The following LEKR1 variants were observed in gnomAD, a reference collection of about 807,000 sequenced individuals.
LEKR1 encodes the protein leucine, glutamate and lysine rich 1.
A neutral mutation model predicts 72.4 loss-of-function variants in LEKR1; 59 were observed. That is an observed-to-expected ratio of 0.82 (90% CI 0.66 to 1.01). The LOEUF is 1.01. Among genes scored for constraint, LEKR1 ranks in the 50% least tolerant of loss-of-function variants. The probability of loss-of-function intolerance (pLI) is 0.00; values close to 1 mark genes in which losing one functional copy is unlikely to be tolerated. For missense variants in LEKR1, 728 were observed against 759.2 expected (o/e 0.96, Z 0.48); for synonymous variants, 257 against 263.2 (o/e 0.98, Z 0.23).
chr3:156,852,637 T>C (rs1385003676), intron 2 of LEKR1, 131 bp from the exon 3 acceptor site: 1 of 444,710 alleles, frequency 2.2e-6, no homozygotes, highest in Non-Finnish European at 4.0e-6. Flanking sequence ...GTTAGCAATG[T>C]CGTAATTATT....
At chr3:156,914,334 C>T (rs1723394201) in intron 3 of LEKR1, among the ~76,000 whole-genome samples, 1 of 152,072 alleles carries the variant, frequency 6.6e-6, no homozygotes, top group African/African-American at 2.4e-5. Context: ...CCTCAACAGG[C>T]CCTGGTGTGT....
At chr3:156,847,220 T>C (rs942097773) in intron 2 of LEKR1, among the ~76,000 whole-genome samples, 2 of 152,226 alleles carry the variant, frequency 1.3e-5, no homozygotes, top group African/African-American at 2.4e-5. Context: ...GAAGCCTAAT[T>C]TAACCTTTTT....
intron 10 of LEKR1, among the ~76,000 whole-genome samples, chr3:157,024,231 C>T (rs1045563796): frequency 6.6e-6 from 1 of 152,206 alleles, no homozygotes; most frequent in Non-Finnish European, 1.5e-5. Context: ...TGGGGACCAT[C>T]TGTACGGACA....
rs769541957 is a variant in LEKR1, at chr3:156,833,012, G to A, written c.48+3635G>A. Among the ~76,000 whole-genome samples, 49 of 152,140 alleles carry A rather than the reference G, an allele frequency of 3.2e-4. 1 individual carries two copies. The highest frequency in any genetic ancestry group is 5.3e-4 in the Non-Finnish European group (36 of 68,028). The stretch of plus-strand genomic sequence containing the variant: ...AGTTTCAAAATTCTGGAGAAATCAC[G>A]TAGAGAGAAAGAAATATGCTCCAAA... On this transcript the variant is annotated intron_variant, in intron 2 of 12. Transcript: ENST00000356539.
intron 6 of LEKR1, among the ~76,000 whole-genome samples, chr3:156,960,873 C>T (rs1263005202): frequency 6.6e-6 from 1 of 152,088 alleles, no homozygotes. Context: ...GATTTATTTA[C>T]CTAAGTTCTG....
At chr3:156,853,306 G>T (rs1715624568) in intron 3 of LEKR1, 1 of 171,426 alleles carries the variant, frequency 5.8e-6, no homozygotes, top group Non-Finnish European at 1.2e-5. Context: ...ATTAATTTTG[G>T]TAGTTTTTCA....
At chr3:156,862,529 TGA>T (rs1716887320) in intron 3 of LEKR1, among the ~76,000 whole-genome samples, 1 of 152,076 alleles carries the variant, frequency 6.6e-6, no homozygotes. Flanking sequence ...TTCACAGGGA[TGA>T]TACACACATT....
chr3:156,886,633 G>C (rs1322602999), intron 3 of LEKR1, among the ~76,000 whole-genome samples: 1 of 152,080 alleles, frequency 6.6e-6, no homozygotes, highest in Non-Finnish European at 1.5e-5. Flanking sequence ...ACTTCCCACT[G>C]CTACTTCTAC....
intron 6 of LEKR1, among the ~76,000 whole-genome samples, chr3:156,954,568 C>T (rs1727451695): frequency 6.6e-6 from 1 of 151,978 alleles, no homozygotes; most frequent in Admixed American, 6.6e-5. Flanking sequence ...TTTCAGTTTT[C>T]CACACATGGC....
chr3:156,844,144 A>G (rs568138567), intron 2 of LEKR1, among the ~76,000 whole-genome samples: 20 of 152,282 alleles, frequency 1.3e-4, no homozygotes, highest in Admixed American at 8.5e-4. Context: ...GGAAGTATAT[A>G]TAGATAGACA....
intron 7 of LEKR1, among the ~76,000 whole-genome samples, 160 bp from the exon 8 acceptor site, chr3:156,992,493 G>C (rs776344639): frequency 6.6e-6 from 1 of 152,124 alleles, no homozygotes; most frequent in Non-Finnish European, 1.5e-5. Flanking sequence ...CAGAAGCTTT[G>C]TTGGCCAGTA....
intron 3 of LEKR1, among the ~76,000 whole-genome samples, chr3:156,914,686 T>C (rs1268924273): frequency 6.6e-6 from 1 of 152,198 alleles, no homozygotes; most frequent in African/African-American, 2.4e-5. Flanking sequence ...TTAAATTTCT[T>C]GCTTCTCTTT....
chr3:156,894,513 A>G (rs1419588770), intron 3 of LEKR1, among the ~76,000 whole-genome samples: 1 of 152,146 alleles, frequency 6.6e-6, no homozygotes, highest in Non-Finnish European at 1.5e-5. Flanking sequence ...TTATGTAGTG[A>G]TATTTTTCAT....
At chr3:157,006,442 G>A (rs1732444489) in intron 9 of LEKR1, among the ~76,000 whole-genome samples, 1 of 152,156 alleles carries the variant, frequency 6.6e-6, no homozygotes, top group African/African-American at 2.4e-5. Context: ...AAAACAGTTT[G>A]GACGTTTCTT....
Position 157,029,651 on chromosome 3 carries a change from A to G in LEKR1, c.1668+1249A>G, listed in dbSNP as rs181134235. On this transcript the variant is annotated intron_variant, in intron 12 of 12. Coordinates refer to ENST00000356539, the MANE Select transcript of LEKR1 (RefSeq NM_001004316.3). Reference sequence around the variant, plus strand: ...GTTACACAGCAGCTCAGTCCCCCCAATGAAGGAAGCCGCACCCCTAGTTCA... The same window carrying G: ...GTTACACAGCAGCTCAGTCCCCCCAGTGAAGGAAGCCGCACCCCTAGTTCA... Among the ~76,000 whole-genome samples the G allele has an allele frequency of 6.1e-4, 93 of 152,240 alleles. 1 individual carries two copies. The highest frequency in any genetic ancestry group is 2.9e-3 in the East Asian group (15 of 5,178).
At chr3:156,955,217 C>A (rs116174953) in intron 6 of LEKR1, among the ~76,000 whole-genome samples, 52 of 152,020 alleles carry the variant, frequency 3.4e-4, no homozygotes, top group African/African-American at 1.1e-3. Flanking sequence ...CCTGAGACTG[C>A]TGAAATTGCT....
chr3:157,012,962 T>C (rs2108024145), intron 10 of LEKR1, among the ~76,000 whole-genome samples: 1 of 152,180 alleles, frequency 6.6e-6, no homozygotes, highest in Non-Finnish European at 1.5e-5. Flanking sequence ...AATATTCATA[T>C]TAGAGCAATG....
At chr3:156,973,684 A>C (rs549306310) in intron 6 of LEKR1, among the ~76,000 whole-genome samples, 61 of 152,240 alleles carry the variant, frequency 4.0e-4, no homozygotes, top group Middle Eastern at 3.4e-3. Context: ...GTGAAAAAGA[A>C]AGCTCAATTG....
At chr3:157,005,401 CTCAAACTCT>C (rs1732342862) in intron 9 of LEKR1, among the ~76,000 whole-genome samples, 1 of 152,128 alleles carries the variant, frequency 6.6e-6, no homozygotes, top group Non-Finnish European at 1.5e-5. Context: ...ACTATTTATA[CTCAAACTCT>C]TCCTGAAAAT....
Sources: gnomAD v4.1 joint callset for allele counts (sites outside exome capture counted in the v4.1 genomes callset) on GRCh38, gnomAD v4.1.1 for gene constraint, MANE v1.5 for transcripts, NCBI Gene and HGNC (gene_info 2026-07-23, HGNC 2026-07-21) for gene names.